DAB1: variants seen among roughly 807,000 people sequenced by gnomAD.
The protein encoded by DAB1 is DAB adaptor protein 1, also known as disabled homolog 1.
In DAB1, 15 loss-of-function variants were observed where a neutral mutation model predicts 64.6. That is an observed-to-expected ratio of 0.23 (90% CI 0.16 to 0.36). The LOEUF (loss-of-function observed/expected upper bound fraction) is 0.36. DAB1 is among the 10% of genes least tolerant of loss of function. The pLI, the probability that DAB1 is intolerant of heterozygous loss-of-function variation, is 1.00. For synonymous variants in DAB1, 235 were observed against 251.9 expected (o/e 0.93, Z 0.64); for missense variants, 596 against 706.7 (o/e 0.84, Z 1.78).
chr1:58,114,534 C>G (rs1311029944), intron 5 of DAB1, among the ~76,000 whole-genome samples: 2 of 152,214 alleles, frequency 1.3e-5, no homozygotes, highest in Admixed American at 1.3e-4. Context: ...AACTATGGCC[C>G]AGAGGCCAAA....
chr1:58,228,748 C>A lies in DAB1; in HGVS notation n.310-78160G>T. The A allele has an allele frequency of 3.0e-6, 3 of 985,902 alleles. No individual in the cohort carries two copies. The South Asian group carries it at 3.8e-5, about 13-fold the overall frequency. 61.1% of individuals were successfully genotyped at this position (985,902 alleles called of 1,614,324 possible). On this transcript the variant is annotated intron_variant and non_coding_transcript_variant, in intron 4 of 20. Coordinates refer to the DAB1 transcript ENST00000485760. ...TGGAAACTGAGCCACATCAGGCCCA[C>A]GTTGATGGCATAGGTGGTTATGCAA...
intron 5 of DAB1, among the ~76,000 whole-genome samples, chr1:57,908,863 T>A (rs1169277462): frequency 6.6e-6 from 1 of 152,186 alleles, no homozygotes; most frequent in Non-Finnish European, 1.5e-5. Flanking sequence ...TCATTAGCCC[T>A]CTGACCCAAT....
At chr1:57,187,054 T>C (rs1663638730) in intron 2 of DAB1, among the ~76,000 whole-genome samples, 2 of 152,238 alleles carry the variant, frequency 1.3e-5, no homozygotes, top group African/African-American at 2.4e-5. Context: ...GTAAAGTTTC[T>C]GCTTTTTAAA....
At chr1:58,290,648 G>A (rs1203405029) in intron 4 of DAB1, among the ~76,000 whole-genome samples, 1 of 152,176 alleles carries the variant, frequency 6.6e-6, no homozygotes, top group South Asian at 2.1e-4. Context: ...CTGAAGCTCT[G>A]AATATGTCTC....
intron 1 of DAB1, among the ~76,000 whole-genome samples, chr1:57,875,823 C>G (rs1419908233): frequency 6.6e-6 from 1 of 152,162 alleles, no homozygotes; most frequent in Admixed American, 6.6e-5. Flanking sequence ...AAAAAGAGAT[C>G]TGGGTCAAAT....
intron 2 of DAB1, among the ~76,000 whole-genome samples, chr1:57,249,983 G>A (rs1274681948): frequency 2.0e-5 from 3 of 152,202 alleles, no homozygotes; most frequent in East Asian, 1.9e-4. Flanking sequence ...CTTAAAAGGT[G>A]GTTTTAGAAG....
At chr1:57,978,180 A>C (rs1255412093) in intron 5 of DAB1, among the ~76,000 whole-genome samples, 1 of 152,236 alleles carries the variant, frequency 6.6e-6, no homozygotes, top group Non-Finnish European at 1.5e-5. Context: ...ACAAGGCTAC[A>C]GTAACCAAAA....
chr1:58,154,343 C>G (rs947769482), intron 4 of DAB1, among the ~76,000 whole-genome samples: 4 of 152,090 alleles, frequency 2.6e-5, no homozygotes, highest in African/African-American at 9.7e-5. Flanking sequence ...ACAGTAGAGT[C>G]CATCCCGACC....
chr1:57,143,530 T>C (rs1243181437), intron 3 of DAB1, among the ~76,000 whole-genome samples: 4 of 152,202 alleles, frequency 2.6e-5, no homozygotes, highest in Admixed American at 1.3e-4. Flanking sequence ...GTATACTTTA[T>C]AGTAAATACG....
At chr1:57,502,335 A>AAAAAGAAAG (rs1553188312) in intron 7 of DAB1, among the ~76,000 whole-genome samples, 1 of 146,570 alleles carries the variant, frequency 6.8e-6, no homozygotes, top group Non-Finnish European at 1.5e-5. Flanking sequence ...AAAAAAAAAA[A>AAAAAGAAAG]AAAGAAAGAA....
chr1:58,486,723 A>G (rs1028335114), intron 3 of DAB1, among the ~76,000 whole-genome samples: 11 of 152,208 alleles, frequency 7.2e-5, no homozygotes, highest in African/African-American at 2.7e-4. Flanking sequence ...AAGGGAAGCG[A>G]TTTAAGATTA....
chr1:57,795,319 G>A (rs903127590), intron 6 of DAB1, among the ~76,000 whole-genome samples: 18 of 152,176 alleles, frequency 1.2e-4, no homozygotes, highest in African/African-American at 4.3e-4. Context: ...ATTTATTTGA[G>A]CACTAGAACT....
rs1169999256 is a variant in DAB1, at chr1:57,226,671, AAAT to A, written c.67+64290_67+64292del. ...TGTCACTCAAAAGTGGTTAAAAAAA[AAAT>A]ATATATATATATATATATATATATC... On this transcript the variant is annotated intron_variant, in intron 2 of 14. Transcript: ENST00000371236. Among the ~76,000 whole-genome samples the A allele has an allele frequency of 8.6e-4, 111 of 129,258 alleles. 3 individuals carry two copies. In the East Asian group the frequency reaches 0.027, roughly 32 times the overall value. The allele number at this position is 129,258 out of a possible 152,430, so 84.8% of individuals were successfully genotyped here. A position where few individuals can be genotyped will look rare whatever the true frequency, so the allele number is the denominator to read the frequency against.
intron 5 of DAB1, among the ~76,000 whole-genome samples, chr1:57,961,924 A>T (rs572099766): frequency 6.6e-6 from 1 of 151,988 alleles, no homozygotes; most frequent in African/African-American, 2.4e-5. Flanking sequence ...GTGAGTTGAG[A>T]TCACGCCATT....
chr1:58,289,107 T>C (rs1175365705), intron 4 of DAB1, among the ~76,000 whole-genome samples: 2 of 152,206 alleles, frequency 1.3e-5, no homozygotes, highest in African/African-American at 4.8e-5. Context: ...CGCATTTGCA[T>C]TGAACAAACA....
At position 58,139,407 on chromosome 1, in the gene DAB1, C is replaced by T. The variant is rs144119194; in HGVS notation, n.387+11104G>A. 3.8e-4 allele frequency among the ~76,000 whole-genome samples: 58 copies of T among 152,226 alleles called. 1 individual carries two copies. The East Asian group carries it at 9.3e-3, about 24-fold the overall frequency. On this transcript the variant is annotated intron_variant and non_coding_transcript_variant, in intron 5 of 20. Transcript: ENST00000485760. ...GGCAGGGGAGGTCTCAGGAAAATTA[C>T]GATCATGGCAAAAGGAGAAGCAAAC...
At chr1:57,520,991 A>G (rs991629960) in intron 7 of DAB1, among the ~76,000 whole-genome samples, 6 of 152,138 alleles carry the variant, frequency 3.9e-5, no homozygotes, top group Non-Finnish European at 8.8e-5. Context: ...AACCACATTT[A>G]GTAGCTATGT....
chr1:58,023,623 T>C (rs1646845767), intron 5 of DAB1, among the ~76,000 whole-genome samples: 1 of 152,214 alleles, frequency 6.6e-6, no homozygotes, highest in Non-Finnish European at 1.5e-5. Context: ...AATTGTCAAA[T>C]GAATGAACTA....
At chr1:58,389,551 T>C (rs1644460119) in intron 3 of DAB1, among the ~76,000 whole-genome samples, 1 of 152,214 alleles carries the variant, frequency 6.6e-6, no homozygotes, top group African/African-American at 2.4e-5. Context: ...GAATCCCAGC[T>C]GGGGCACTTT....
Sources: gnomAD v4.1 joint callset for allele counts (sites outside exome capture counted in the v4.1 genomes callset) on GRCh38, gnomAD v4.1.1 for gene constraint, MANE v1.5 for transcripts, NCBI Gene and HGNC (gene_info 2026-07-23, HGNC 2026-07-21) for gene names.